The following NMNAT2 variants were observed in gnomAD, a reference collection of about 807,000 sequenced individuals.
NMNAT2 encodes the protein nicotinamide nucleotide adenylyltransferase 2, also known as nicotinamide/nicotinic acid mononucleotide adenylyltransferase 2.
Under a neutral mutation model 41.6 loss-of-function variants are expected in NMNAT2, and 11 were observed. That is an observed-to-expected ratio of 0.26 (90% CI 0.17 to 0.44). The LOEUF (loss-of-function observed/expected upper bound fraction) is 0.44, where lower values mean the gene tolerates loss of function less well. NMNAT2 is among the 20% of genes least tolerant of loss of function. The pLI, the probability that NMNAT2 is intolerant of heterozygous loss-of-function variation, is 1.00. For synonymous variants in NMNAT2, 148 were observed against 151.2 expected, an observed-to-expected ratio of 0.98 and a Z score of 0.16; for missense variants, 288 against 407.7, an observed-to-expected ratio of 0.71 and a Z score of 2.53.
chr1:183,400,607 A>G (rs190334095), intron 1 of NMNAT2, among the ~76,000 whole-genome samples: 2 of 152,284 alleles, frequency 1.3e-5, no homozygotes, highest in East Asian at 1.9e-4. Flanking sequence ...CATTGCCAAG[A>G]CAATCCTAAG....
chr1:183,329,792 C>A (rs890348098), intron 1 of NMNAT2, among the ~76,000 whole-genome samples: 1 of 152,192 alleles, frequency 6.6e-6, no homozygotes, highest in African/African-American at 2.4e-5. Flanking sequence ...GGGGGCATTG[C>A]AAGCATCCGG....
intron 5 of NMNAT2, among the ~76,000 whole-genome samples, 169 bp downstream of exon 5, chr1:183,286,493 G>A (rs1367312067): frequency 6.6e-6 from 1 of 152,142 alleles, no homozygotes; most frequent in African/African-American, 2.4e-5. Context: ...GGTCCTCAAA[G>A]TATTGTCTCT....
chr1:183,378,386 T>C (rs1663723264), intron 1 of NMNAT2, among the ~76,000 whole-genome samples: 1 of 137,398 alleles, frequency 7.3e-6, no homozygotes, highest in Non-Finnish European at 1.6e-5. Flanking sequence ...AGAGGGAGAC[T>C]CCATTAAAAA....
At chr1:183,408,711 T>A (rs947447304) in intron 1 of NMNAT2, among the ~76,000 whole-genome samples, 3 of 152,224 alleles carry the variant, frequency 2.0e-5, no homozygotes, top group Middle Eastern at 3.2e-3. Flanking sequence ...CCTGATATAA[T>A]ATCTATAAAT....
chr1:183,350,836 C>T (rs1421127568), intron 1 of NMNAT2, among the ~76,000 whole-genome samples: 1 of 152,120 alleles, frequency 6.6e-6, no homozygotes, highest in African/African-American at 2.4e-5. Context: ...AAGTAAGGCT[C>T]AAAGAAATTA....
intron 1 of NMNAT2, among the ~76,000 whole-genome samples, chr1:183,300,141 T>C (rs531700671): frequency 7.9e-5 from 12 of 152,122 alleles, no homozygotes; most frequent in Non-Finnish European, 1.6e-4. Context: ...CAGTGGCTCA[T>C]GACTGTAATC....
At chr1:183,305,504 G>T (rs184842703) in intron 1 of NMNAT2, among the ~76,000 whole-genome samples, 1 of 152,174 alleles carries the variant, frequency 6.6e-6, no homozygotes, top group Admixed American at 6.5e-5. Flanking sequence ...TACCATACAC[G>T]CTTCTTAACA....
intron 1 of NMNAT2, among the ~76,000 whole-genome samples, chr1:183,315,959 A>G (rs992531275): frequency 6.6e-6 from 1 of 152,094 alleles, no homozygotes; most frequent in African/African-American, 2.4e-5. Flanking sequence ...AAAACCAACA[A>G]ATTTAGAATA....
intron 1 of NMNAT2, among the ~76,000 whole-genome samples, chr1:183,308,519 C>A (rs1284287051): frequency 6.6e-6 from 1 of 152,148 alleles, no homozygotes; most frequent in East Asian, 1.9e-4. Context: ...TAGTTCACTT[C>A]CGCATTATTC....
chr1:183,280,451 GA>G (rs1331303176), intron 7 of NMNAT2, among the ~76,000 whole-genome samples: 1 of 151,870 alleles, frequency 6.6e-6, no homozygotes, highest in African/African-American at 2.4e-5. Flanking sequence ...GCAGTGACAC[GA>G]TCTTGGCTCA....
At chr1:183,369,437 C>G (rs1424760457) in intron 1 of NMNAT2, among the ~76,000 whole-genome samples, 1 of 151,800 alleles carries the variant, frequency 6.6e-6, no homozygotes, top group African/African-American at 2.4e-5. Context: ...CCACCATGCC[C>G]AGCTAATCTT....
intron 1 of NMNAT2, among the ~76,000 whole-genome samples, chr1:183,412,726 T>C (rs1303506434): frequency 1.3e-5 from 2 of 152,210 alleles, no homozygotes; most frequent in Non-Finnish European, 2.9e-5. Context: ...AAATAGTGTG[T>C]CCAAAACAGG....
intron 1 of NMNAT2, among the ~76,000 whole-genome samples, chr1:183,404,103 T>A (rs2101928190): frequency 6.6e-6 from 1 of 151,028 alleles, no homozygotes; most frequent in Admixed American, 6.6e-5. Context: ...AATGTAATTT[T>A]TTTTTTTTTT....
chr1:183,413,708 G>A (rs1157359556), intron 1 of NMNAT2, among the ~76,000 whole-genome samples: 2 of 144,220 alleles, frequency 1.4e-5, no homozygotes, highest in Admixed American at 7.3e-5. Context: ...CCGGGTTCGC[G>A]CCATTCTCCT....
chr1:183,272,976 T>C (rs1019180934), intron 8 of NMNAT2, among the ~76,000 whole-genome samples: 2 of 152,232 alleles, frequency 1.3e-5, no homozygotes, highest in Non-Finnish European at 1.5e-5. Flanking sequence ...TAAAGCTGCC[T>C]CCCTGCATAT....
intron 1 of NMNAT2, among the ~76,000 whole-genome samples, chr1:183,374,099 T>G (rs79568772): frequency 0.014 from 2,062 of 152,286 alleles, 50 homozygotes; most frequent in African/African-American, 0.047. Flanking sequence ...GAATCTGAAG[T>G]TCAGAGAATG....
intron 9 of NMNAT2, 35 bp from the exon 10 acceptor site, chr1:183,261,104 C>T: frequency 6.2e-7 from 1 of 1,606,574 alleles, no homozygotes; most frequent in Non-Finnish European, 8.5e-7. Flanking sequence ...GTTGCCAGTC[C>T]CTCCCACTAA....
At chr1:183,389,543 C>T (rs1648376549) in intron 1 of NMNAT2, among the ~76,000 whole-genome samples, 1 of 151,286 alleles carries the variant, frequency 6.6e-6, no homozygotes, top group African/African-American at 2.4e-5. Context: ...TGGGACAAAA[C>T]AGGCAAAAGC....
intron 1 of NMNAT2, among the ~76,000 whole-genome samples, chr1:183,301,609 A>G (rs1661854960): frequency 6.6e-6 from 1 of 152,208 alleles, no homozygotes; most frequent in African/African-American, 2.4e-5. Context: ...GACCGTTGCC[A>G]CATCCTGTCC....
Sources: gnomAD v4.1 joint callset for allele counts (sites outside exome capture counted in the v4.1 genomes callset) on GRCh38, gnomAD v4.1.1 for gene constraint, MANE v1.5 for transcripts, NCBI Gene and HGNC (gene_info 2026-07-23, HGNC 2026-07-21) for gene names.